LRP1B: variants seen among roughly 807,000 people sequenced by gnomAD.
LRP1B encodes the protein LDL receptor related protein 1B, also known as low-density lipoprotein receptor-related protein 1B.
In LRP1B, 217 loss-of-function variants were observed where a neutral mutation model predicts 556.6. The ratio of observed to expected loss-of-function variants is 0.39; its 90% CI spans 0.35 to 0.44. The LOEUF is 0.44. Ranked by LOEUF, LRP1B falls within the 20% of genes least tolerant of loss-of-function variation. LRP1B has a pLI of 1.00. For missense variants in LRP1B, 5,053 were observed against 5,620.8 expected (o/e 0.90, Z 3.23); for synonymous variants, 2,047 against 1,865.8 (o/e 1.10, Z -2.50).
chr2:140,353,444 TTGTATA>T, intron 75 of LRP1B, among the ~76,000 whole-genome samples: 1 of 152,212 alleles, frequency 6.6e-6, no homozygotes, highest in South Asian at 2.1e-4. Flanking sequence ...TGGGGGTTTG[TTGTATA>T]GATTTCCATT....
chr2:140,776,375 T>A (rs1303029182), intron 32 of LRP1B, 137 bp from the exon 33 acceptor site: 2 of 521,822 alleles, frequency 3.8e-6, no homozygotes, highest in Non-Finnish European at 5.9e-6. Flanking sequence ...AACAGTAAAA[T>A]CACTGTCACA....
intron 2 of LRP1B, among the ~76,000 whole-genome samples, chr2:141,704,885 G>A (rs993292760): frequency 2.0e-5 from 3 of 151,718 alleles, no homozygotes; most frequent in Non-Finnish European, 4.4e-5. Context: ...TTTTCCTTTG[G>A]TAATCATCTG....
At chr2:142,097,759 G>C (rs1224246380) in intron 1 of LRP1B, among the ~76,000 whole-genome samples, 1 of 151,644 alleles carries the variant, frequency 6.6e-6, no homozygotes, top group African/African-American at 2.4e-5. Flanking sequence ...CTTGTTTAAA[G>C]TTGAATCTAG....
intron 66 of LRP1B, among the ~76,000 whole-genome samples, chr2:140,392,594 T>C (rs1684070242): frequency 6.6e-6 from 1 of 151,362 alleles, no homozygotes; most frequent in Admixed American, 6.6e-5. Context: ...TTCAAGCAAT[T>C]CTCTTGCCTC....
intron 11 of LRP1B, among the ~76,000 whole-genome samples, chr2:141,040,165 T>C (rs1180995696): frequency 6.6e-6 from 1 of 152,044 alleles, no homozygotes; most frequent in Non-Finnish European, 1.5e-5. Context: ...TTGGTCAGAG[T>C]ATATATCTTA....
At chr2:141,509,322 T>A (rs901237657) in intron 2 of LRP1B, among the ~76,000 whole-genome samples, 1 of 152,078 alleles carries the variant, frequency 6.6e-6, no homozygotes. Flanking sequence ...TAGAGAACTG[T>A]CAAGGATGTT....
chr2:141,550,171 G>A (rs1425443103), intron 2 of LRP1B, among the ~76,000 whole-genome samples: 6 of 152,058 alleles, frequency 3.9e-5, no homozygotes, highest in African/African-American at 1.4e-4. Context: ...TCCAAGTAGC[G>A]AGATTACAGG....
intron 2 of LRP1B, among the ~76,000 whole-genome samples, chr2:141,750,685 G>C (rs1431617876): frequency 6.6e-6 from 1 of 152,010 alleles, no homozygotes; most frequent in Non-Finnish European, 1.5e-5. Flanking sequence ...GATTATATTA[G>C]TTTTTTTATT....
Position 140,323,760 on chromosome 2 carries a change from A to G in LRP1B, c.12514+133T>C, listed in dbSNP as rs1680294751. 1.8e-5 allele frequency: 8 copies of G among 433,228 alleles called. 1 individual carries two copies. The South Asian group carries it at 6.2e-4, about 34-fold the overall frequency. The allele number at this position is 433,228 out of a possible 1,614,324, so 26.8% of individuals were successfully genotyped here. ...TGGTAAGTTGAAAAAGTCTAGTGAC[A>G]TCAAAATTAAAGTTACTTAAGTTAC... On this transcript the variant is annotated intron_variant, in intron 81 of 90. Coordinates refer to ENST00000389484, the MANE Select transcript of LRP1B (RefSeq NM_018557.3).
chr2:140,277,852 C>T (rs1682746154), intron 84 of LRP1B, among the ~76,000 whole-genome samples: 1 of 151,852 alleles, frequency 6.6e-6, no homozygotes, highest in Non-Finnish European at 1.5e-5. Flanking sequence ...ATACGCACAC[C>T]TTATGACCTA....
intron 1 of LRP1B, among the ~76,000 whole-genome samples, chr2:142,071,674 G>A (rs532753168): frequency 1.3e-5 from 2 of 151,978 alleles, no homozygotes; most frequent in African/African-American, 4.8e-5. Context: ...TGTACGACCT[G>A]TAAACCCTAA....
At chr2:141,156,338 C>G (rs531823915) in intron 7 of LRP1B, among the ~76,000 whole-genome samples, 1 of 152,152 alleles carries the variant, frequency 6.6e-6, no homozygotes, top group African/African-American at 2.4e-5. Flanking sequence ...CCTCCCAAAT[C>G]AATTCACTGG....
intron 2 of LRP1B, among the ~76,000 whole-genome samples, chr2:141,683,820 G>T (rs1231634153): frequency 6.6e-6 from 1 of 152,066 alleles, no homozygotes; most frequent in African/African-American, 2.4e-5. Context: ...ACCTTTGCTA[G>T]CGGCTTAAAA....
chr2:140,432,484 G>C lies in LRP1B; in HGVS notation c.10414+10020C>G, dbSNP rs563143520. Among the ~76,000 whole-genome samples, 299 of 152,258 alleles carry C rather than the reference G, an allele frequency of 2.0e-3. 2 individuals carry two copies. Among genetic ancestry groups the C allele is most frequent in the Admixed American group, 4.1e-3 (62 of 15,294 alleles). ...TTATTATTTCTGGAGGTAGTTTCTT[G>C]TGCCTCTGTGATTTCCTAATAGCCA... On this transcript the variant is annotated intron_variant, in intron 66 of 90. Coordinates refer to ENST00000389484, the MANE Select transcript of LRP1B (RefSeq NM_018557.3).
chr2:141,497,010 A>G (rs1683533449), intron 2 of LRP1B, among the ~76,000 whole-genome samples: 1 of 152,026 alleles, frequency 6.6e-6, no homozygotes. Context: ...ACTGCACATT[A>G]TCATACATCA....
intron 3 of LRP1B, among the ~76,000 whole-genome samples, chr2:141,315,252 A>ATT (rs34839276): frequency 0.37 from 28,542 of 77,242 alleles, 7,294 homozygotes; most frequent in East Asian, 0.6. Context: ...AATGATTGTA[A>ATT]TTTTTTTTTT....
In LRP1B at chr2:141,434,149, C is replaced by T. The variant is rs530621452; in HGVS notation, c.343+46247G>A. 9.1e-4 allele frequency among the ~76,000 whole-genome samples: 139 copies of T among 152,172 alleles called. 1 individual carries two copies. Among genetic ancestry groups the T allele is most frequent in the Non-Finnish European group, 6.6e-4 (45 of 67,978 alleles). On this transcript the variant is annotated intron_variant, in intron 3 of 90. Coordinates refer to ENST00000389484, the MANE Select transcript of LRP1B (RefSeq NM_018557.3). ...AATGTTCTCCATAAAATTAGGGAAG[C>T]TTTCAGGTATTATATCTTTGAATAT...
At chr2:140,602,016 T>C (rs1682692756) in intron 41 of LRP1B, among the ~76,000 whole-genome samples, 1 of 152,108 alleles carries the variant, frequency 6.6e-6, no homozygotes, top group Non-Finnish European at 1.5e-5. Flanking sequence ...ACGACTTAGA[T>C]ACAATCATCA....
intron 1 of LRP1B, among the ~76,000 whole-genome samples, chr2:142,124,525 T>C (rs1261273380): frequency 6.6e-6 from 1 of 151,906 alleles, no homozygotes; most frequent in Non-Finnish European, 1.5e-5. Flanking sequence ...TTTTGGAATA[T>C]ATTTAAGTTT....
Sources: gnomAD v4.1 joint callset for allele counts (sites outside exome capture counted in the v4.1 genomes callset) on GRCh38, gnomAD v4.1.1 for gene constraint, MANE v1.5 for transcripts, NCBI Gene and HGNC (gene_info 2026-07-23, HGNC 2026-07-21) for gene names.